The following MRPS27 variants were observed in gnomAD, a reference collection of about 807,000 sequenced individuals.
MRPS27 encodes small ribosomal subunit protein mS27.
Under a neutral mutation model 48.9 loss-of-function variants are expected in MRPS27, and 43 were observed. The ratio of observed to expected loss-of-function variants is 0.88; its 90% CI spans 0.69 to 1.13. MRPS27 has a LOEUF of 1.13. Ranked by LOEUF, MRPS27 falls within the 50% of genes most tolerant of loss-of-function variation. MRPS27 has a pLI of 0.00. For missense variants in MRPS27, 467 were observed against 476.3 expected (o/e 0.98, Z 0.18); for synonymous variants, 188 against 171.9 (o/e 1.09, Z -0.73).
intron 4 of MRPS27, among the ~76,000 whole-genome samples, chr5:72,268,707 G>A (rs915105672): frequency 5.3e-5 from 8 of 152,248 alleles, no homozygotes; most frequent in Middle Eastern, 3.4e-3. Flanking sequence ...TACAAAAGAG[G>A]AGCAAACATA....
chr5:72,238,220 A>G, intron 4 of MRPS27, 92 bp from the exon 5 acceptor site: 1 of 801,238 alleles, frequency 1.2e-6, no homozygotes, highest in South Asian at 1.5e-5. Context: ...AGATACTTAC[A>G]GAGTGCAATG....
chr5:72,229,422 C>G (rs1189866242), intron 7 of MRPS27: 1 of 152,070 alleles, frequency 6.6e-6, no homozygotes, highest in Non-Finnish European at 1.5e-5. Flanking sequence ...AACAACGCCC[C>G]CCCCCAAGCA....
intron 2 of MRPS27, among the ~76,000 whole-genome samples, chr5:72,310,408 G>C (rs995689125): frequency 3.0e-4 from 46 of 152,068 alleles, no homozygotes; most frequent in Admixed American, 1.8e-3. Flanking sequence ...AAAAAGAGGG[G>C]GGTGGGGGAA....
intron 4 of MRPS27, among the ~76,000 whole-genome samples, chr5:72,283,514 C>T (rs1749584189): frequency 6.6e-6 from 1 of 152,154 alleles, no homozygotes; most frequent in African/African-American, 2.4e-5. Flanking sequence ...CTTAGTCTAT[C>T]CAGGTTGCAA....
At chr5:72,251,473 A>G (rs1342197011) in intron 4 of MRPS27, among the ~76,000 whole-genome samples, 1 of 152,172 alleles carries the variant, frequency 6.6e-6, no homozygotes, top group African/African-American at 2.4e-5. Context: ...GAGTCAATTT[A>G]CCTATCATGT....
At chr5:72,251,016 T>C (rs747499276) in intron 4 of MRPS27, among the ~76,000 whole-genome samples, 1 of 152,170 alleles carries the variant, frequency 6.6e-6, no homozygotes, top group Non-Finnish European at 1.5e-5. Flanking sequence ...AGATAAAACA[T>C]GTAAAATTAA....
At chr5:72,237,809 A>C (rs1748239663) in intron 5 of MRPS27, among the ~76,000 whole-genome samples, 1 of 152,062 alleles carries the variant, frequency 6.6e-6, no homozygotes, top group Non-Finnish European at 1.5e-5. Context: ...GAGTCACTAC[A>C]TTTGGAAAAG....
At chr5:72,296,116 C>T (rs1022964057) in intron 3 of MRPS27, among the ~76,000 whole-genome samples, 1 of 152,100 alleles carries the variant, frequency 6.6e-6, no homozygotes, top group Non-Finnish European at 1.5e-5. Flanking sequence ...TACCAACAAA[C>T]TCTCCCTTCA....
Position 72,221,044 on chromosome 5 carries a change from C to T in MRPS27, c.1110G>A (p.Glu370=), listed in dbSNP as rs746661351. 1.2e-5 allele frequency: 20 copies of T among 1,614,184 alleles called. No individual in the cohort carries two copies. Among genetic ancestry groups the T allele is most frequent in the Non-Finnish European group, 1.7e-5 (20 of 1,180,028 alleles). Residue 370 remains glutamate (E), a synonymous_variant, in exon 11 of 11, where the codon GAG becomes GAA. Transcript: ENST00000261413. ...GATTCTGCTCATAGGTGGCGATGTCCTCTGCTTCACAGGTGGAGAGTTTTT... is the reference window on the plus strand; with the variant it reads ...GATTCTGCTCATAGGTGGCGATGTCTTCTGCTTCACAGGTGGAGAGTTTTT... ...VKEKLSTCEA[E]DIATYEQNLQ...
chr5:72,316,897 T>G (rs1750577647), intron 1 of MRPS27, among the ~76,000 whole-genome samples: 1 of 151,064 alleles, frequency 6.6e-6, no homozygotes, highest in African/African-American at 2.4e-5. Context: ...GGCGTGGTGG[T>G]GCATGCCTGT....
chr5:72,264,244 TGAA>T (rs1749052760), intron 4 of MRPS27, among the ~76,000 whole-genome samples: 1 of 152,158 alleles, frequency 6.6e-6, no homozygotes, highest in Admixed American at 6.5e-5. Flanking sequence ...AAGCAGGTAA[TGAA>T]GAATAACTGC....
At chr5:72,298,119 A>C (rs1750027543) in intron 2 of MRPS27, among the ~76,000 whole-genome samples, 1 of 152,236 alleles carries the variant, frequency 6.6e-6, no homozygotes, top group South Asian at 2.1e-4. Context: ...GAAAATATTC[A>C]CAAACTACGC....
chr5:72,243,439 T>C (rs1011387522), intron 4 of MRPS27, among the ~76,000 whole-genome samples: 10 of 152,182 alleles, frequency 6.6e-5, no homozygotes, highest in African/African-American at 1.9e-4. Flanking sequence ...AATCAAATTT[T>C]GATGAGATAA....
rs1329350812 is a variant in MRPS27, at chr5:72,241,657, T to G, written c.282-3529A>C. 4 of 1,535,542 alleles carry G rather than the reference T, an allele frequency of 2.6e-6. No homozygotes were observed. In the Admixed American group the frequency reaches 7.8e-5, roughly 30 times the overall value. ...GGAATGGGCACTTGCCTGGAATAATTCTGTGGATTGCTGGATGAGCATTCT... is the reference window on the plus strand; with the variant it reads ...GGAATGGGCACTTGCCTGGAATAATGCTGTGGATTGCTGGATGAGCATTCT... On this transcript the variant is annotated intron_variant, in intron 4 of 10. Transcript: ENST00000261413.
chr5:72,317,510 G>A (rs898321274), intron 1 of MRPS27, among the ~76,000 whole-genome samples: 1 of 151,382 alleles, frequency 6.6e-6, no homozygotes, highest in African/African-American at 2.4e-5. Context: ...AGCCTCCTGA[G>A]TAGCTGGGAT....
intron 4 of MRPS27, among the ~76,000 whole-genome samples, chr5:72,292,263 T>C (rs1749847071): frequency 6.6e-6 from 1 of 151,350 alleles, no homozygotes; most frequent in Admixed American, 6.6e-5. Flanking sequence ...CTTAATCATT[T>C]TTAGTTCACA....
intron 2 of MRPS27, among the ~76,000 whole-genome samples, chr5:72,308,339 C>A (rs961861423): frequency 4.6e-5 from 7 of 152,260 alleles, no homozygotes; most frequent in Non-Finnish European, 7.3e-5. Flanking sequence ...CCCACACCCA[C>A]ACGCCGCAGT....
chr5:72,251,485 T>A (rs1748663847), intron 4 of MRPS27, among the ~76,000 whole-genome samples: 1 of 152,216 alleles, frequency 6.6e-6, no homozygotes, highest in African/African-American at 2.4e-5. Flanking sequence ...CTATCATGTT[T>A]TGCTCTTGGA....
In MRPS27 at chr5:72,312,621, AT is replaced by A. The variant is rs1053626658; in HGVS notation, c.151+1459del. Among the ~76,000 whole-genome samples the A allele has an allele frequency of 6.7e-3, 931 of 138,112 alleles. 5 individuals carry two copies. The highest frequency in any genetic ancestry group is 0.017 in the African/African-American group (624 of 37,800). The allele number at this position is 138,112 out of a possible 152,430, so 90.6% of individuals were successfully genotyped here. On this transcript the variant is annotated intron_variant, in intron 2 of 10. Coordinates refer to ENST00000261413, the MANE Select transcript of MRPS27 (RefSeq NM_015084.3). ...GTATCGTGGCGAAGGAATCATACTG[AT>A]TTTTTTTTTTTTTTTTGAGATGGAG...
Sources: gnomAD v4.1 joint callset for allele counts (sites outside exome capture counted in the v4.1 genomes callset) on GRCh38, gnomAD v4.1.1 for gene constraint, MANE v1.5 for transcripts, NCBI Gene and HGNC (gene_info 2026-07-23, HGNC 2026-07-21) for gene names.